HTR2C: variants seen among roughly 807,000 people sequenced by gnomAD.
HTR2C encodes the protein 5-hydroxytryptamine (serotonin) receptor 2C, G protein-coupled.
A neutral mutation model predicts 21.0 loss-of-function variants in HTR2C; 5 were observed. The observed-to-expected ratio is 0.24, with a 90% CI of 0.12 to 0.50. The LOEUF is 0.50. Among genes scored for constraint, HTR2C ranks in the 20% least tolerant of loss-of-function variants. The pLI is 0.98. For synonymous variants in HTR2C, 150 were observed against 145.3 expected, an observed-to-expected ratio of 1.03 and a Z score of -0.23; for missense variants, 271 against 371.2, an observed-to-expected ratio of 0.73 and a Z score of 2.22.
chrX:114,822,667 G>T (rs782575786), intron 4 of HTR2C, among the ~76,000 whole-genome samples: 25 of 112,079 alleles, frequency 2.2e-4, no homozygotes, highest in African/African-American at 8.1e-4. Flanking sequence ...AAAATTCCAG[G>T]AAAGATGGGT....
chrX:114,682,335 A>G (rs1556413626), intron 2 of HTR2C, among the ~76,000 whole-genome samples: 1 of 111,282 alleles, frequency 9.0e-6, no homozygotes, highest in African/African-American at 3.3e-5. Flanking sequence ...GACAACAATA[A>G]CTTTTTATAT....
chrX:114,810,781 G>A (rs1372570483), intron 4 of HTR2C, among the ~76,000 whole-genome samples: 2 of 108,499 alleles, frequency 1.8e-5, no homozygotes, highest in Non-Finnish European at 3.8e-5. Context: ...TGTGTGGATA[G>A]TTGTTCAATT....
chrX:114,694,171 G>A (rs1331577878), intron 2 of HTR2C, among the ~76,000 whole-genome samples: 3 of 110,576 alleles, frequency 2.7e-5, no homozygotes, highest in Admixed American at 9.6e-5. Flanking sequence ...AAGGAAAAAA[G>A]TAAGATAATT....
At chrX:114,883,313 G>T (rs2147520976) in intron 5 of HTR2C, among the ~76,000 whole-genome samples, 1 of 109,934 alleles carries the variant, frequency 9.1e-6, no homozygotes, top group African/African-American at 3.3e-5. Context: ...TCTATCATCT[G>T]TCATCTCTTG....
chrX:114,675,410 T>G (rs782258105), intron 2 of HTR2C, among the ~76,000 whole-genome samples: 8 of 112,134 alleles, frequency 7.1e-5, no homozygotes, highest in Non-Finnish European at 1.5e-4. Context: ...TCCATTCAGG[T>G]TTTTAGTCAA....
intron 4 of HTR2C, among the ~76,000 whole-genome samples, chrX:114,746,515 G>A (rs782788537): frequency 7.2e-5 from 8 of 111,432 alleles, no homozygotes; most frequent in African/African-American, 2.0e-4. Flanking sequence ...CTCAATTTTG[G>A]ATTAGTTGAT....
Position 114,630,927 on chromosome X carries a change from C to G in HTR2C, c.-80+17046C>G, listed in dbSNP as rs782238695. On this transcript the variant is annotated intron_variant, in intron 2 of 5. Coordinates refer to ENST00000276198, the MANE Select transcript of HTR2C (RefSeq NM_000868.4). ...CCTGCATGCAGCTGGGTACATATCT[C>G]CTGGGTCCTATGACCTGCCTAAAAA... is the stretch of plus-strand genomic sequence containing the variant. 2.0e-5 allele frequency: 7 copies of G among 343,898 alleles called. No homozygotes were observed. In the East Asian group the frequency reaches 5.5e-4, roughly 27 times the overall value. The allele number at this position is 343,898 out of a possible 1,213,427, so 28.3% of individuals were successfully genotyped here. A position where few individuals can be genotyped will look rare whatever the true frequency, so the allele number is the denominator to read the frequency against.
At chrX:114,595,829 C>A (rs1302263486) in intron 1 of HTR2C, among the ~76,000 whole-genome samples, 1 of 111,345 alleles carries the variant, frequency 9.0e-6, no homozygotes, top group Admixed American at 9.6e-5. Flanking sequence ...AATCCCAAAT[C>A]ATTTTCTGCA....
At chrX:114,852,681 C>T (rs2070928129) in intron 5 of HTR2C, among the ~76,000 whole-genome samples, 2 of 110,198 alleles carry the variant, frequency 1.8e-5, no homozygotes, top group African/African-American at 6.6e-5. Flanking sequence ...TGTTGATATA[C>T]TTTATTTAAC....
intron 4 of HTR2C, among the ~76,000 whole-genome samples, chrX:114,736,542 G>A (rs62594867): frequency 0.11 from 11,706 of 111,369 alleles, 620 homozygotes; most frequent in Middle Eastern, 0.22. Context: ...ACACAGAAAT[G>A]ACTTTTATAA....
At chrX:114,722,059 T>G (rs1307928155) in intron 2 of HTR2C, among the ~76,000 whole-genome samples, 1 of 109,814 alleles carries the variant, frequency 9.1e-6, no homozygotes, top group Admixed American at 9.8e-5. Context: ...GTGAAGAAAG[T>G]CCTTGGTAGC....
At chrX:114,735,122 G>A (rs1173943891) in intron 4 of HTR2C, among the ~76,000 whole-genome samples, 3 of 110,002 alleles carry the variant, frequency 2.7e-5, no homozygotes, top group East Asian at 2.9e-4. Flanking sequence ...CTGGCCAACC[G>A]GATTTCTTTA....
chrX:114,810,210 C>G (rs1286054014), intron 4 of HTR2C, among the ~76,000 whole-genome samples: 1 of 111,421 alleles, frequency 9.0e-6, no homozygotes, highest in Non-Finnish European at 1.9e-5. Context: ...GAAGGAGTCT[C>G]TCCCAGAGCT....
intron 4 of HTR2C, among the ~76,000 whole-genome samples, chrX:114,735,822 G>T (rs1434279419): frequency 9.0e-6 from 1 of 111,661 alleles, no homozygotes; most frequent in Admixed American, 9.5e-5. Flanking sequence ...GGAAGAAATA[G>T]AAGAAAATAA....
chrX:114,805,201 C>A (rs1317956027), intron 4 of HTR2C, among the ~76,000 whole-genome samples: 1 of 110,484 alleles, frequency 9.1e-6, no homozygotes, highest in African/African-American at 3.3e-5. Flanking sequence ...TACTCTGTAG[C>A]CATTTTTTCT....
chrX:114,680,472 G>A (rs1003912322), intron 2 of HTR2C, among the ~76,000 whole-genome samples: 1 of 112,000 alleles, frequency 8.9e-6, no homozygotes, highest in African/African-American at 3.2e-5. Context: ...CCTATATGCT[G>A]AATTGGACAA....
intron 2 of HTR2C, among the ~76,000 whole-genome samples, chrX:114,687,770 A>C (rs1931965962): frequency 8.9e-6 from 1 of 111,767 alleles, no homozygotes; most frequent in Admixed American, 9.6e-5. Context: ...CTCTTAATAC[A>C]CAATTTATTT....
At chrX:114,703,358 G>A (rs1221364970) in intron 2 of HTR2C, among the ~76,000 whole-genome samples, 5 of 110,017 alleles carry the variant, frequency 4.5e-5, no homozygotes, top group East Asian at 2.9e-4. Flanking sequence ...ATAACAAACT[G>A]TCTCTCAGAC....
intron 2 of HTR2C, among the ~76,000 whole-genome samples, chrX:114,626,357 C>G (rs1465646788): frequency 9.7e-6 from 1 of 102,926 alleles, no homozygotes; most frequent in Non-Finnish European, 2.0e-5. Context: ...CCACTGTACT[C>G]TAGCCTGGGC....
Sources: gnomAD v4.1 joint callset for allele counts (sites outside exome capture counted in the v4.1 genomes callset) on GRCh38, gnomAD v4.1.1 for gene constraint, MANE v1.5 for transcripts, NCBI Gene and HGNC (gene_info 2026-07-23, HGNC 2026-07-21) for gene names.